The following BCORL1 variants were observed in gnomAD, a reference collection of about 807,000 sequenced individuals.
The protein encoded by BCORL1 is BCL-6 corepressor-like protein 1.
BCORL1 carries 7 observed loss-of-function variants against 87.6 expected under a neutral mutation model. The ratio of observed to expected loss-of-function variants is 0.08; its 90% CI spans 0.05 to 0.15. The LOEUF is 0.15. BCORL1 is among the 10% of genes least tolerant of loss of function. BCORL1 has a pLI of 1.00. For synonymous variants in BCORL1, 591 were observed against 634.4 expected (o/e 0.93, Z 1.03); for missense variants, 1,215 against 1,499.7 (o/e 0.81, Z 3.13).
chrX:130,043,726 C>A (rs1350860198), intron 11 of BCORL1, among the ~76,000 whole-genome samples: 1 of 87,239 alleles, frequency 1.1e-5, no homozygotes, highest in Non-Finnish European at 2.2e-5. Flanking sequence ...AGGCGCCCGC[C>A]ACCATGCCCA....
At position 130,019,907 on chromosome X, in the gene BCORL1, A is replaced by G. The variant is rs182778950; in HGVS notation, c.3442-1078A>G. On this transcript the variant is annotated intron_variant, in intron 4 of 13. Transcript: ENST00000540052. ...TGCCCTATTTCTTGTTTAGTGGCAC[A>G]GAGAGACCTCAAAGCTCGTGAGAAT... Among the ~76,000 whole-genome samples the G allele has an allele frequency of 4.4e-5, 5 of 112,715 alleles. No individual in the cohort carries two copies. In the East Asian group the frequency reaches 8.3e-4, roughly 19 times the overall value.
At chrX:130,011,510 G>A (rs897118421) in intron 2 of BCORL1, among the ~76,000 whole-genome samples, 36 of 111,776 alleles carry the variant, frequency 3.2e-4, no homozygotes, top group African/African-American at 1.1e-3. Context: ...CCAAAGTGCT[G>A]GGATTACAGG....
intron 5 of BCORL1, 51 bp from the exon 6 acceptor site, chrX:130,022,846 C>T (rs909759339): frequency 1.8e-6 from 2 of 1,102,369 alleles, no homozygotes; most frequent in Non-Finnish European, 2.5e-6. Context: ...GGTCTTTAAG[C>T]TTTGATTGTA....
intron 1 of BCORL1, among the ~76,000 whole-genome samples, chrX:129,990,011 C>T (rs1378991083): frequency 9.0e-6 from 1 of 110,557 alleles, no homozygotes; most frequent in Non-Finnish European, 1.9e-5. Context: ...GTCTCGAACT[C>T]CTGACCTCAG....
intron 11 of BCORL1, 131 bp downstream of exon 11, chrX:130,039,413 C>T (rs1351215775): frequency 3.6e-6 from 3 of 838,812 alleles, no homozygotes; most frequent in Admixed American, 3.3e-5. Flanking sequence ...TCTTCACCTG[C>T]TTTCATTCAA....
intron 1 of BCORL1, among the ~76,000 whole-genome samples, chrX:129,984,084 G>T (rs1221566894): frequency 4.3e-5 from 4 of 92,340 alleles, no homozygotes; most frequent in South Asian, 5.5e-4. Context: ...GTGGGCTTCG[G>T]GGGGAGCAGT....
rs772384058 is a variant in BCORL1 at position 130,031,512 on chromosome X, G to A, written c.4305+2651G>A. On this transcript the variant is annotated intron_variant, in intron 8 of 13. Transcript: ENST00000540052. The stretch of plus-strand genomic sequence containing the variant: ...TTGTTGTAATAATGTGGCCAGGCGC[G>A]GTGGCTCACGCCTATAATCCCAGCA... Among the ~76,000 whole-genome samples the A allele has an allele frequency of 3.7e-4, 42 of 112,366 alleles. No individual in the cohort carries two copies. In the South Asian group the frequency reaches 0.015, roughly 39 times the overall value.
intron 11 of BCORL1, among the ~76,000 whole-genome samples, chrX:130,048,797 G>T (rs1164566101): frequency 8.9e-6 from 1 of 111,843 alleles, no homozygotes; most frequent in Non-Finnish European, 1.9e-5. Context: ...GGAAAATCCT[G>T]TCCCCATTAA....
chrX:130,015,602 AT>A lies in BCORL1; in HGVS notation c.2832del (p.Arg945GlufsTer2). On this transcript the variant is annotated frameshift_variant, in exon 4 of 14. Transcript: ENST00000540052. LOFTEE classifies it high-confidence loss of function. ...ALSVQPSGGDIRMNQGPEESE... is the reference protein window; with the variant it reads ...ALSVQPSGGDXRMNQGPEESE... ...GTCTGTTCAGCCTAGCGGTGGGGAC[AT>A]TCGAATGAATCAGGGGCCTGAGGAA... is the stretch of plus-strand genomic sequence containing the variant. 1 of 1,212,068 alleles carries A rather than the reference AT, an allele frequency of 8.3e-7. No individual in the cohort carries two copies. Among genetic ancestry groups the A allele is most frequent in the Non-Finnish European group, 1.1e-6 (1 of 895,578 alleles).
Position 130,005,274 on chromosome X carries a change from A to G in BCORL1, c.43A>G (p.Thr15Ala). 1 of 1,211,507 alleles carries G rather than the reference A, an allele frequency of 8.3e-7. No homozygotes were observed. Among genetic ancestry groups the G allele is most frequent in the Admixed American group, 2.2e-5 (1 of 46,003 alleles). The change falls in exon 2 of 14, where the codon ACC becomes GCC. Residue 15 changes from threonine to alanine, a missense_variant. Physicochemically the swap from Thr to Ala is moderately conservative, Grantham distance 58 (BLOSUM62 0). Coordinates refer to ENST00000540052, the MANE Select transcript of BCORL1 (RefSeq NM_001379451.1). ...APLYSGVHNW[T>A]SSDRIRMCGI... Reference sequence around the variant, plus strand: ...GCTCTACAGCGGCGTGCACAACTGGACCAGTTCTGACCGGATTCGCATGTG... The same window carrying G: ...GCTCTACAGCGGCGTGCACAACTGGGCCAGTTCTGACCGGATTCGCATGTG...
At chrX:130,032,182 G>C (rs958861879) in intron 8 of BCORL1, among the ~76,000 whole-genome samples, 13 of 112,137 alleles carry the variant, frequency 1.2e-4, no homozygotes, top group African/African-American at 4.2e-4. Flanking sequence ...GTTTCTTGGG[G>C]TCAGGAATTC....
chrX:130,024,998 T>G lies in BCORL1; in HGVS notation c.3697T>G (p.Cys1233Gly). Residue 1233 changes from cysteine to glycine, a missense_variant, in exon 7 of 14, where the codon TGT becomes GGT. Cys to Gly is a radical substitution (Grantham distance 159). Transcript: ENST00000540052. ...TRTRSQSGSI[C>G]SSFAGMADSD... ...GTACATCCCATCCACAGGAAGCATC[T>G]GTAGCTCCTTTGCTGGCATGGCAGA... 8.3e-7 allele frequency: 1 copy of G among 1,209,355 alleles called. No homozygotes were observed. Among genetic ancestry groups the G allele is most frequent in the South Asian group, 1.8e-5 (1 of 56,692 alleles).
In BCORL1 at chrX:130,057,769, G is replaced by A. The variant is rs920598183; in HGVS notation, c.*1633G>A. On this transcript the variant is annotated 3_prime_UTR_variant, in exon 14 of 14. Transcript: ENST00000540052. ...GTGTTTGTTCTTTGTTCCTGGGGGG[G>A]AAGTTCTCGGCCCCCTTCTGTAGGA... is the stretch of plus-strand genomic sequence containing the variant. 1.6e-4 allele frequency: 17 copies of A among 109,091 alleles called. No homozygotes were observed. Among genetic ancestry groups the A allele is most frequent in the African/African-American group, 5.3e-4 (16 of 29,940 alleles). The allele number at this position is 109,091 out of a possible 1,213,427, so 9.0% of individuals were successfully genotyped here.
chrX:130,015,728 G>A lies in BCORL1; in HGVS notation c.2956G>A (p.Val986Met), dbSNP rs753462022. Residue 986 changes from valine to methionine, a missense_variant, in exon 4 of 14, where the codon GTG (valine) becomes ATG (methionine). Coordinates refer to ENST00000540052, the MANE Select transcript of BCORL1 (RefSeq NM_001379451.1). ...AGGAGACACGAAGCCTAAGAACCAA[G>A]TGCTGGCCACCTACATGTCCCATGA... ...LAGDTKPKNQ[V>M]LATYMSHELV... The A allele has an allele frequency of 9.1e-6, 11 of 1,212,125 alleles. No homozygotes were observed. Among genetic ancestry groups the A allele is most frequent in the Non-Finnish European group, 1.2e-5 (11 of 895,618 alleles).
chrX:130,015,531 A>G lies in BCORL1; in HGVS notation c.2759A>G (p.Asn920Ser), dbSNP rs376491937. The G allele has an allele frequency of 6.4e-5, 77 of 1,210,895 alleles. No individual in the cohort carries two copies. In the South Asian group the frequency reaches 6.5e-4, roughly 10 times the overall value. The change falls in exon 4 of 14, where the codon AAT becomes AGT. Residue 920 changes from asparagine to serine, a missense_variant. By Grantham distance (46) the Asn-to-Ser change is conservative. Around this residue, in one of 5 missense-constraint regions of BCORL1, gnomAD observed 861 missense variants for 1,010.0 expected, o/e 0.85. Coordinates refer to ENST00000540052, the MANE Select transcript of BCORL1 (RefSeq NM_001379451.1). ...GCCAAGCCTTATGAAGAACAAGTCA[A>G]TCCTGTCCTCTTGACCCTCAGCCCT... ...IAAKPYEEQV[N>S]PVLLTLSPQT...
chrX:129,993,614 G>A (rs1192925978), intron 1 of BCORL1, among the ~76,000 whole-genome samples: 2 of 111,111 alleles, frequency 1.8e-5, no homozygotes, highest in Non-Finnish European at 3.8e-5. Context: ...CTTGAGCCTG[G>A]GAGGTCAAGG....
chrX:129,991,308 T>C (rs1301810979), intron 1 of BCORL1, among the ~76,000 whole-genome samples: 68 of 110,523 alleles, frequency 6.2e-4, no homozygotes, highest in Non-Finnish European at 1.1e-3. Context: ...CTAGTAGAGA[T>C]GGGGTTTTGC....
rs937621854 is a variant in BCORL1 at position 130,010,946 on chromosome X, C to T, written c.87-1632C>T. Reference sequence around the variant, plus strand: ...CCAGGAGGCGGAGGTTGCAGTGAGCCGAGATCGAGATCGTGCCACTGCACT... The same window carrying T: ...CCAGGAGGCGGAGGTTGCAGTGAGCTGAGATCGAGATCGTGCCACTGCACT... On this transcript the variant is annotated intron_variant, in intron 2 of 13. Transcript: ENST00000540052. Among the ~76,000 whole-genome samples, 5 of 91,545 alleles carry T rather than the reference C, an allele frequency of 5.5e-5. No homozygotes were observed. In the East Asian group the frequency reaches 1.1e-3, roughly 19 times the overall value. 79.5% of individuals were successfully genotyped at this position (91,545 alleles called of 115,157 possible).
chrX:130,013,099 G>C lies in BCORL1; in HGVS notation c.327G>C (p.Glu109Asp). ...ACGCTGGGAACGTGGCAGAGGCTGA[G>C]GGCCTCTTGGTGCCCCTGAGCAGCC... ...MDYAGNVAEA[E>D]GLLVPLSSPG... is the part of the protein sequence containing the mutation. The change falls in exon 4 of 14, where the codon GAG becomes GAC. Residue 109 changes from glutamate (E) to aspartate (D), a missense_variant. Glu to Asp is a conservative substitution (Grantham distance 45). Coordinates refer to ENST00000540052, the MANE Select transcript of BCORL1 (RefSeq NM_001379451.1). The C allele has an allele frequency of 8.3e-7, 1 of 1,210,285 alleles. No homozygotes were observed. The highest frequency in any genetic ancestry group is 1.1e-6 in the Non-Finnish European group (1 of 894,075).
Sources: gnomAD v4.1 joint callset for allele counts (sites outside exome capture counted in the v4.1 genomes callset) on GRCh38, gnomAD v4.1.1 for gene constraint, gnomAD v4.1.1 regional missense constraint, MANE v1.5 for transcripts, NCBI Gene and HGNC (gene_info 2026-07-23, HGNC 2026-07-21) for gene names.